Variants in TENM2 observed in about 807,000 individuals in gnomAD.
The protein encoded by TENM2 is teneurin transmembrane protein 2.
In TENM2, 52 loss-of-function variants were observed where a neutral mutation model predicts 245.2. The ratio of observed to expected loss-of-function variants is 0.21; its 90% CI spans 0.17 to 0.27. The LOEUF is 0.27. Ranked by LOEUF, TENM2 falls within the 10% of genes least tolerant of loss-of-function variation. The pLI is 1.00. For missense variants in TENM2, 3,046 were observed against 3,666.8 expected, an observed-to-expected ratio of 0.83 and a Z score of 4.37; for synonymous variants, 1,363 against 1,438.9, an observed-to-expected ratio of 0.95 and a Z score of 1.19.
chr5:167,170,140 T>C, the TENM2 span, among the ~76,000 whole-genome samples: 4 of 152,242 alleles, frequency 2.6e-5, no homozygotes, highest in Non-Finnish European at 2.9e-5. Flanking sequence ...TTCTAGAGAA[T>C]AGCCTATGCT....
At chr5:167,704,490 T>C (rs772673504) in intron 2 of TENM2, among the ~76,000 whole-genome samples, 1 of 152,078 alleles carries the variant, frequency 6.6e-6, no homozygotes, top group African/African-American at 2.4e-5. Context: ...ATGCCTCTGA[T>C]AAAATAATGT....
At chr5:167,931,551 G>GAAAA (rs368486009) in intron 3 of TENM2, among the ~76,000 whole-genome samples, 3 of 110,336 alleles carry the variant, frequency 2.7e-5, no homozygotes, top group Non-Finnish European at 5.4e-5. Flanking sequence ...AAACCCATTG[G>GAAAA]AAAAAAAAAA....
At chr5:167,557,271 A>G (rs1025207327) in intron 2 of TENM2, among the ~76,000 whole-genome samples, 9 of 152,166 alleles carry the variant, frequency 5.9e-5, no homozygotes, top group Non-Finnish European at 1.2e-4. Context: ...ATTTTCATCA[A>G]TATTCTTACC....
At chr5:167,224,386 G>A in the TENM2 span, among the ~76,000 whole-genome samples, 27 of 151,920 alleles carry the variant, frequency 1.8e-4, no homozygotes, top group South Asian at 5.4e-3. Flanking sequence ...GATAGGTGTT[G>A]AGTCTCATTA....
chr5:167,750,479 A>G (rs892816817), intron 2 of TENM2, among the ~76,000 whole-genome samples: 1 of 152,104 alleles, frequency 6.6e-6, no homozygotes, highest in Non-Finnish European at 1.5e-5. Flanking sequence ...GCCATGTTAT[A>G]AAGGGGATGA....
chr5:167,486,715 T>C (rs1024963903), intron 2 of TENM2, among the ~76,000 whole-genome samples: 4 of 152,202 alleles, frequency 2.6e-5, no homozygotes, highest in African/African-American at 9.7e-5. Context: ...TAATGCAATG[T>C]AATGATTTTT....
chr5:167,149,069 C>T, the TENM2 span, among the ~76,000 whole-genome samples: 1 of 151,914 alleles, frequency 6.6e-6, no homozygotes, highest in African/African-American at 2.4e-5. Context: ...GCACAAGGTG[C>T]AGGTTAGTTA....
intron 7 of TENM2, among the ~76,000 whole-genome samples, chr5:168,070,781 C>T (rs1790921583): frequency 8.6e-6 from 1 of 116,514 alleles, no homozygotes; most frequent in African/African-American, 3.4e-5. Context: ...GAGATCCTGT[C>T]AGAAAGAAAG....
chr5:167,801,109 A>AAAATAT (rs1444227809), intron 2 of TENM2, among the ~76,000 whole-genome samples: 35 of 66,544 alleles, frequency 5.3e-4, no homozygotes, highest in Non-Finnish European at 6.7e-4. Flanking sequence ...AAAAAAAAAA[A>AAAATAT]ATATATATAT....
At chr5:167,194,263 C>G in the TENM2 span, among the ~76,000 whole-genome samples, 6 of 152,008 alleles carry the variant, frequency 3.9e-5, no homozygotes, top group East Asian at 9.7e-4. Flanking sequence ...ACATATCAGA[C>G]TCATTTGCTT....
chr5:166,989,330 G>T, the TENM2 span, among the ~76,000 whole-genome samples: 76 of 131,646 alleles, frequency 5.8e-4, no homozygotes, highest in East Asian at 0.017. Context: ...CACAATCTCA[G>T]CTCACTGCAA....
chr5:168,098,176 G>C (rs777762812), intron 9 of TENM2, 49 bp downstream of exon 11: 3 of 1,370,182 alleles, frequency 2.2e-6, no homozygotes, highest in Admixed American at 3.6e-5. Flanking sequence ...ACCCTCCCTA[G>C]GCTTCTCTGA....
At chr5:167,774,610 T>A (rs530175873) in intron 2 of TENM2, among the ~76,000 whole-genome samples, 33 of 152,316 alleles carry the variant, frequency 2.2e-4, no homozygotes, top group Admixed American at 9.1e-4. Flanking sequence ...CATACATGGA[T>A]ACCCCTGGGT....
At chr5:167,638,343 A>G (rs1779348676) in intron 2 of TENM2, among the ~76,000 whole-genome samples, 1 of 152,226 alleles carries the variant, frequency 6.6e-6, no homozygotes. Context: ...CACTTAATTT[A>G]TGTTAATAGC....
intron 1 of TENM2, among the ~76,000 whole-genome samples, chr5:167,311,135 C>T (rs1190688226): frequency 6.6e-6 from 1 of 152,132 alleles, no homozygotes; most frequent in East Asian, 1.9e-4. Flanking sequence ...GACTGCATAA[C>T]CGAGCTTCAT....
the TENM2 span, among the ~76,000 whole-genome samples, chr5:166,979,191 CCACCAGCAGCAGCAGCAGCAGCAG>C: frequency 1.9e-4 from 16 of 85,256 alleles, no homozygotes; most frequent in African/African-American, 6.3e-4. Context: ...AGCAGCACCA[CCACCAGCAGCAGCAGCAGCAGCAG>C]CAGCAGCAGC....
intron 2 of TENM2, among the ~76,000 whole-genome samples, chr5:167,438,108 T>G (rs1041250358): frequency 2.0e-5 from 3 of 152,334 alleles, no homozygotes; most frequent in Admixed American, 2.0e-4. Context: ...TACTATGAAC[T>G]ATCTGATAAT....
chr5:167,446,480 G>A (rs953941521), intron 2 of TENM2, among the ~76,000 whole-genome samples: 9 of 152,112 alleles, frequency 5.9e-5, no homozygotes, highest in Non-Finnish European at 1.5e-5. Flanking sequence ...CATTTCTTGG[G>A]CCAGTTACAC....
At chr5:167,644,860 T>G (rs1487653874) in intron 2 of TENM2, among the ~76,000 whole-genome samples, 3 of 152,192 alleles carry the variant, frequency 2.0e-5, no homozygotes, top group African/African-American at 7.2e-5. Context: ...AAGAATATGT[T>G]CTGAGAAATG....
Sources: allele counts gnomAD v4.1 joint callset (sites outside exome capture counted in the v4.1 genomes callset), GRCh38; gene constraint gnomAD v4.1.1; transcripts MANE v1.5; gene names NCBI Gene and HGNC (gene_info 2026-07-23, HGNC 2026-07-21).